Variants in NOS1 observed in about 807,000 individuals in gnomAD.
NOS1 encodes the protein NOS type I.
In NOS1, 51 loss-of-function variants were observed where a neutral mutation model predicts 164.5. The observed-to-expected ratio is 0.31, with a 90% CI of 0.25 to 0.39. The LOEUF (loss-of-function observed/expected upper bound fraction) is 0.39, where lower values mean the gene tolerates loss of function less well. Among genes scored for constraint, NOS1 ranks in the 10% least tolerant of loss-of-function variants. The pLI is 1.00. For missense variants in NOS1, 1,362 were observed against 1,885.6 expected (o/e 0.72, Z 5.14); for synonymous variants, 719 against 745.8 (o/e 0.96, Z 0.59).
At position 117,210,768 on chromosome 12, in the gene NOS1, C is replaced by T; in HGVS notation, c.*4541G>A. ...GGTCAGAAGATTCTGTGTTCTTAGCCAATGTCTACTGGCTGGGGGTCAGTT... is the reference window on the plus strand; with the variant it reads ...GGTCAGAAGATTCTGTGTTCTTAGCTAATGTCTACTGGCTGGGGGTCAGTT... On this transcript the variant is annotated 3_prime_UTR_variant, in exon 29 of 29. Transcript: ENST00000317775. The T allele has an allele frequency of 1.0e-6, 1 of 985,304 alleles. No individual in the cohort carries two copies. Among genetic ancestry groups the T allele is most frequent in the Non-Finnish European group, 1.2e-6 (1 of 829,954 alleles). The allele number at this position is 985,304 out of a possible 1,614,324, so 61.0% of individuals were successfully genotyped here. A position where few individuals can be genotyped will look rare whatever the true frequency, so the allele number is the denominator to read the frequency against.
At chr12:117,318,125 T>C (rs1424369861) in intron 2 of NOS1, among the ~76,000 whole-genome samples, 2 of 152,060 alleles carry the variant, frequency 1.3e-5, no homozygotes, top group African/African-American at 4.8e-5. Flanking sequence ...TGAGCTAAGG[T>C]TGTGCCACTG....
intron 7 of NOS1, among the ~76,000 whole-genome samples, chr12:117,284,360 C>T (rs1489223024): frequency 6.6e-6 from 1 of 152,154 alleles, no homozygotes; most frequent in African/African-American, 2.4e-5. Flanking sequence ...CTGAGACTTG[C>T]CAGCGTGGCC....
intron 1 of NOS1, among the ~76,000 whole-genome samples, chr12:117,358,838 G>A (rs1330555953): frequency 4.6e-5 from 7 of 152,222 alleles, no homozygotes; most frequent in Admixed American, 2.0e-4. Context: ...TGACCATAGC[G>A]TTGGCCTCTG....
intron 2 of NOS1, among the ~76,000 whole-genome samples, chr12:117,325,488 G>A (rs1439704241): frequency 4.6e-5 from 7 of 152,100 alleles, no homozygotes; most frequent in Admixed American, 2.0e-4. Flanking sequence ...CATTAGGGGT[G>A]GTGGTCCTCC....
At position 117,263,934 on chromosome 12, in the gene NOS1, C is replaced by G. The variant is rs1872147972; in HGVS notation, c.2177G>C (p.Gly726Ala). 1 of 1,613,882 alleles carries G rather than the reference C, an allele frequency of 6.2e-7. No individual in the cohort carries two copies. ...WNTHVWKGTNGTPTKRRAIGF... is the reference protein window; with the variant it reads ...WNTHVWKGTNATPTKRRAIGF... ...AATGGCTCGCCGCTTTGTGGGGGTC[C>G]CGTTGGTGCCTTTCCAGACATGCGT... Residue 726 changes from glycine (G) to alanine (A), a missense_variant, in exon 13 of 29, where the codon GGG becomes GCG. Physicochemically the swap from Gly to Ala is moderately conservative, Grantham distance 60. Transcript: ENST00000317775.
intron 7 of NOS1, among the ~76,000 whole-genome samples, 198 bp downstream of exon 7, chr12:117,285,043 C>G (rs1280057663): frequency 1.1e-5 from 1 of 90,740 alleles, no homozygotes; most frequent in Non-Finnish European, 2.4e-5. Context: ...GAGCAAGACT[C>G]TGTCTCAAAA....
rs766396507 is a variant in NOS1, at chr12:117,222,748, G to A, written c.3942C>T (p.Tyr1314=). 5.6e-6 allele frequency: 9 copies of A among 1,613,878 alleles called. No homozygotes were observed. In the East Asian group the frequency reaches 1.8e-4, roughly 32 times the overall value. ...AKNKGVFREL[Y]TAYSREPDKP... ...TGTCTGGCTCCCGGGAGTAAGCCGTGTACAGCTCTCTGAAGACCCCCTTGT... is the reference window on the plus strand; with the variant it reads ...TGTCTGGCTCCCGGGAGTAAGCCGTATACAGCTCTCTGAAGACCCCCTTGT... The change falls in exon 26 of 29, where the codon TAC becomes TAT. Residue 1314 remains tyrosine (Y), a synonymous_variant. Transcript: ENST00000317775.
chr12:117,316,881 T>A (rs1369211289), intron 2 of NOS1, among the ~76,000 whole-genome samples: 1 of 152,148 alleles, frequency 6.6e-6, no homozygotes, highest in Non-Finnish European at 1.5e-5. Flanking sequence ...TCTGTTTTTT[T>A]ATTATTATTA....
intron 3 of NOS1, among the ~76,000 whole-genome samples, chr12:117,295,615 CTT>C (rs33913257): frequency 7.3e-4 from 77 of 105,094 alleles, no homozygotes; most frequent in South Asian, 2.1e-3. Flanking sequence ...CCTGATCATT[CTT>C]TTTTTTTTTT....
At chr12:117,354,545 C>T (rs1876775712) in intron 1 of NOS1, among the ~76,000 whole-genome samples, 1 of 152,154 alleles carries the variant, frequency 6.6e-6, no homozygotes, top group Non-Finnish European at 1.5e-5. Flanking sequence ...GAAAAATATG[C>T]CCAAAATATG....
Position 117,300,431 on chromosome 12 carries a change from C to T in NOS1, c.853-10005G>A, listed in dbSNP as rs546079934. On this transcript the variant is annotated intron_variant, in intron 3 of 28. Coordinates refer to ENST00000317775, the MANE Select transcript of NOS1 (RefSeq NM_000620.5). ...CTGAACCCAAACACTAGTCAATTCA[C>T]GCACCACTTCCTGGCTCCACCCTGG... 5.3e-5 allele frequency among the ~76,000 whole-genome samples: 8 copies of T among 152,286 alleles called. No individual in the cohort carries two copies. The East Asian group carries it at 5.8e-4, about 11-fold the overall frequency.
At position 117,218,143 on chromosome 12, in the gene NOS1, C is replaced by G. The variant is rs1205456457; in HGVS notation, c.4192G>C (p.Asp1398His). 1 of 1,613,940 alleles carries G rather than the reference C, an allele frequency of 6.2e-7. No individual in the cohort carries two copies. ...GTTCGCAGGGTGACTCCAAAAATAT[C>G]CTCATGGTATCGGTTGTCATCCTAG... ...RMRDDNRYHE[D>H]IFGVTLRTYE... is the part of the protein sequence containing the mutation. Residue 1398 changes from aspartate (D) to histidine (H), a missense_variant, in exon 28 of 29, where the codon GAT becomes CAT. By Grantham distance (81) the Asp-to-His change is moderately conservative. This residue lies in a region of NOS1 where 737 missense variants were observed against 1,030.3 expected (regional missense o/e 0.72). Coordinates refer to ENST00000317775, the MANE Select transcript of NOS1 (RefSeq NM_000620.5).
At chr12:117,310,579 G>C (rs1483247167) in intron 3 of NOS1, among the ~76,000 whole-genome samples, 1 of 152,148 alleles carries the variant, frequency 6.6e-6, no homozygotes, top group Non-Finnish European at 1.5e-5. Flanking sequence ...ATTCTGGGGA[G>C]GAAAACTATG....
chr12:117,315,802 G>T (rs1874643388), intron 2 of NOS1, among the ~76,000 whole-genome samples: 1 of 152,184 alleles, frequency 6.6e-6, no homozygotes, highest in African/African-American at 2.4e-5. Flanking sequence ...GTTAAATAGG[G>T]TCAATAATAT....
chr12:117,258,058 C>CTTG (rs1871605201), intron 16 of NOS1, among the ~76,000 whole-genome samples: 1 of 152,128 alleles, frequency 6.6e-6, no homozygotes. Flanking sequence ...CTGCCTCGGC[C>CTTG]TCCCAAAGTG....
intron 22 of NOS1, among the ~76,000 whole-genome samples, chr12:117,230,902 A>G (rs1287937086): frequency 6.6e-6 from 1 of 152,224 alleles, no homozygotes; most frequent in East Asian, 1.9e-4. Context: ...GTGGGAGCTA[A>G]AAACTAGAAG....
chr12:117,225,213 A>G, intron 24 of NOS1, 76 bp from the exon 25 acceptor site: 1 of 1,533,986 alleles, frequency 6.5e-7, no homozygotes, highest in Non-Finnish European at 8.8e-7. Flanking sequence ...TAGGTAGACC[A>G]GGTGGCCATC....
At chr12:117,284,064 C>T (rs1450383492) in intron 7 of NOS1, among the ~76,000 whole-genome samples, 1 of 152,130 alleles carries the variant, frequency 6.6e-6, no homozygotes, top group Admixed American at 6.5e-5. Context: ...CGTTTTCTTA[C>T]TGGTGGACTC....
chr12:117,316,473 G>A (rs1874674913), intron 2 of NOS1, among the ~76,000 whole-genome samples: 1 of 152,156 alleles, frequency 6.6e-6, no homozygotes, highest in African/African-American at 2.4e-5. Context: ...TCTGCTGAGA[G>A]CCAACTCCTA....
Sources: allele counts gnomAD v4.1 joint callset (sites outside exome capture counted in the v4.1 genomes callset), GRCh38; gene constraint gnomAD v4.1.1; regional missense constraint gnomAD v4.1.1; transcripts MANE v1.5; gene names NCBI Gene and HGNC (gene_info 2026-07-23, HGNC 2026-07-21).